The following GRM7 variants were observed in gnomAD, a reference collection of about 807,000 sequenced individuals.
The protein encoded by GRM7 is glutamate metabotropic receptor 7.
In GRM7, 35 loss-of-function variants were observed where a neutral mutation model predicts 84.5. The observed-to-expected ratio is 0.41, with a 90% CI of 0.32 to 0.55. The LOEUF (loss-of-function observed/expected upper bound fraction) is 0.55, where lower values mean the gene tolerates loss of function less well. Among genes scored for constraint, GRM7 ranks in the 20% least tolerant of loss-of-function variants. The probability of loss-of-function intolerance (pLI) is 0.19; values close to 1 mark genes in which losing one functional copy is unlikely to be tolerated. For missense variants in GRM7, 1,003 were observed against 1,194.6 expected, an observed-to-expected ratio of 0.84 and a Z score of 2.36; for synonymous variants, 487 against 455.1, an observed-to-expected ratio of 1.07 and a Z score of -0.89.
intron 2 of GRM7, among the ~76,000 whole-genome samples, chr3:7,276,805 T>TCC (rs1699086677): frequency 7.4e-4 from 1 of 1,350 alleles, no homozygotes. Flanking sequence ...CTTCCTTCCT[T>TCC]TTTGGTGGTG....
chr3:6,992,561 G>A (rs894746978), intron 1 of GRM7, among the ~76,000 whole-genome samples: 3 of 152,266 alleles, frequency 2.0e-5, no homozygotes, highest in South Asian at 4.1e-4. Flanking sequence ...GTTCAAGGGC[G>A]ATAACATGGA....
intron 4 of GRM7, among the ~76,000 whole-genome samples, chr3:7,408,692 C>T (rs756880665): frequency 3.3e-5 from 5 of 152,288 alleles, no homozygotes; most frequent in East Asian, 3.9e-4. Context: ...TGTAACACTG[C>T]GCAAATGCTA....
rs150435006 is a variant in GRM7 at position 6,975,184 on chromosome 3, T to C, written c.519+113277T>C. ...ATGTGGAGAATCTCCTGAGGTCTTC[T>C]ATTTTCTCAGTAAAAATTCCCAATC... On this transcript the variant is annotated intron_variant, in intron 1 of 9. Transcript: ENST00000357716. Among the ~76,000 whole-genome samples, 1,286 of 152,282 alleles carry C rather than the reference T, an allele frequency of 8.4e-3. 8 individuals are homozygous for C. Among genetic ancestry groups the C allele is most frequent in the South Asian group, 0.029 (142 of 4,826 alleles).
chr3:6,962,530 C>T (rs1165421062), intron 1 of GRM7, among the ~76,000 whole-genome samples: 3 of 152,096 alleles, frequency 2.0e-5, no homozygotes, highest in African/African-American at 7.2e-5. Context: ...ATGAGATTTT[C>T]TTCAACAGTC....
rs1363560390 is a variant in GRM7, at chr3:6,863,375, T to C, written c.519+1468T>C. Among the ~76,000 whole-genome samples the C allele has an allele frequency of 1.3e-5, 2 of 152,112 alleles. No homozygotes were observed. Among genetic ancestry groups the C allele is most frequent in the Admixed American group, 6.5e-5 (1 of 15,274 alleles). ...CTCTCAAGTGCTTTCCCAAAAGGTG[T>C]TGGGCTTCAGAAGGGGACTCTGTGA... On this transcript the variant is annotated intron_variant, in intron 1 of 9. Coordinates refer to ENST00000357716, the MANE Select transcript of GRM7 (RefSeq NM_000844.4). This position sits in a 1 kb window ranked among gnomAD's most constrained non-coding sequence, Gnocchi z 4.8.
At chr3:7,622,789 AAGAG>A (rs1052422700) in intron 8 of GRM7, among the ~76,000 whole-genome samples, 51 of 152,186 alleles carry the variant, frequency 3.4e-4, no homozygotes, top group African/African-American at 1.1e-3. Flanking sequence ...TGTAAAGTGA[AAGAG>A]AGCATGGACA....
At chr3:7,205,812 T>C (rs978557956) in intron 2 of GRM7, among the ~76,000 whole-genome samples, 8 of 152,204 alleles carry the variant, frequency 5.3e-5, no homozygotes, top group African/African-American at 1.9e-4. Context: ...TGTGTATTGA[T>C]AATATGCTAA....
rs1052871083 is a variant in GRM7, at chr3:7,188,074, G to A, written c.736+41406G>A. On this transcript the variant is annotated intron_variant, in intron 2 of 9. Transcript: ENST00000357716. The surrounding 1 kb of genome is among the most constrained non-coding windows in gnomAD (Gnocchi z 4.2). ...TTCCCTGGTGAGTTTAATAGAGGAG[G>A]AATGATGTGGGGTGGGTATTGGCTA... is the stretch of plus-strand genomic sequence containing the variant. Among the ~76,000 whole-genome samples the A allele has an allele frequency of 1.3e-5, 2 of 152,088 alleles. No homozygotes were observed. Among genetic ancestry groups the A allele is most frequent in the Admixed American group, 1.3e-4 (2 of 15,270 alleles).
intron 4 of GRM7, among the ~76,000 whole-genome samples, chr3:7,341,970 A>G (rs1168392957): frequency 6.6e-6 from 1 of 152,150 alleles, no homozygotes; most frequent in Non-Finnish European, 1.5e-5. Flanking sequence ...ATTATAGATC[A>G]TATTATAGGA....
chr3:7,565,302 G>T (rs895819490), intron 7 of GRM7, among the ~76,000 whole-genome samples: 1 of 152,116 alleles, frequency 6.6e-6, no homozygotes, highest in African/African-American at 2.4e-5. Flanking sequence ...CCCAGATATT[G>T]AATTACAATA....
chr3:7,403,743 A>T (rs1347108369), intron 4 of GRM7, among the ~76,000 whole-genome samples: 2 of 149,714 alleles, frequency 1.3e-5, no homozygotes, highest in Non-Finnish European at 3.0e-5. Context: ...CTGTGTATAT[A>T]TGTGAATATA....
At chr3:7,195,077 G>A (rs928863520) in intron 2 of GRM7, among the ~76,000 whole-genome samples, 3 of 152,092 alleles carry the variant, frequency 2.0e-5, no homozygotes, top group African/African-American at 7.2e-5. Context: ...CAGTCATCCG[G>A]TCCCTAATAC....
intron 7 of GRM7, among the ~76,000 whole-genome samples, chr3:7,551,548 C>A (rs977881428): frequency 1.3e-5 from 2 of 151,540 alleles, no homozygotes; most frequent in East Asian, 1.9e-4. Context: ...AGATCCTTTA[C>A]AATTCTTGAC....
rs553644769 is a variant in GRM7, at chr3:7,664,877, G to A, written c.2452-15172G>A. ...TGGCTGGTTTTCTTAGTCTACTCTT[G>A]ATCTCAAATTAGTAAATTTCATATT... On this transcript the variant is annotated intron_variant, in intron 8 of 9. Transcript: ENST00000357716. Among the ~76,000 whole-genome samples, 45 of 102,002 alleles carry A rather than the reference G, an allele frequency of 4.4e-4. 1 individual carries two copies. The South Asian group carries it at 0.013, about 29-fold the overall frequency. The allele number at this position is 102,002 out of a possible 152,430, so 66.9% of individuals were successfully genotyped here. A position where few individuals can be genotyped will look rare whatever the true frequency, so the allele number is the denominator to read the frequency against.
chr3:7,445,687 G>A (rs999025248), intron 5 of GRM7, among the ~76,000 whole-genome samples: 6 of 152,140 alleles, frequency 3.9e-5, no homozygotes, highest in African/African-American at 1.2e-4. Flanking sequence ...TCTAAATGTG[G>A]ACACTATGAA....
intron 5 of GRM7, among the ~76,000 whole-genome samples, chr3:7,416,730 T>G (rs1034242306): frequency 6.6e-6 from 1 of 152,092 alleles, no homozygotes; most frequent in Non-Finnish European, 1.5e-5. Flanking sequence ...TATATAACAA[T>G]AGTTCTGAGA....
intron 1 of GRM7, among the ~76,000 whole-genome samples, chr3:7,076,307 T>G (rs1199404496): frequency 6.6e-6 from 1 of 152,208 alleles, no homozygotes; most frequent in Admixed American, 6.5e-5. Flanking sequence ...GAATCTCATC[T>G]TGAATTGTAA....
At chr3:7,514,184 CTTT>C (rs1484466923) in intron 7 of GRM7, among the ~76,000 whole-genome samples, 2 of 152,170 alleles carry the variant, frequency 1.3e-5, no homozygotes, top group African/African-American at 4.8e-5. Flanking sequence ...CTTTTTGTCT[CTTT>C]TAAGAAATAA....
At chr3:7,192,096 G>T (rs1405385872) in intron 2 of GRM7, among the ~76,000 whole-genome samples, 1 of 152,092 alleles carries the variant, frequency 6.6e-6, no homozygotes, top group African/African-American at 2.4e-5. Flanking sequence ...TGTAATGCGA[G>T]CTAAGGCTGG....
Sources: allele counts gnomAD v4.1 joint callset (sites outside exome capture counted in the v4.1 genomes callset), GRCh38; gene constraint gnomAD v4.1.1; non-coding constraint Gnocchi (gnomAD v3.1); transcripts MANE v1.5; gene names NCBI Gene and HGNC (gene_info 2026-07-23, HGNC 2026-07-21).